The following SARNP variants were observed in gnomAD, a reference collection of about 807,000 sequenced individuals.
SARNP encodes the protein SAP domain-containing ribonucleoprotein.
A neutral mutation model predicts 38.1 loss-of-function variants in SARNP; 5 were observed. The observed-to-expected ratio is 0.13, with a 90% confidence interval of 0.07 to 0.28. The LOEUF (loss-of-function observed/expected upper bound fraction) is 0.28, where lower values mean the gene tolerates loss of function less well. SARNP is among the 10% of genes least tolerant of loss of function. The probability of loss-of-function intolerance (pLI) is 1.00; values close to 1 mark genes in which losing one functional copy is unlikely to be tolerated. For synonymous variants in SARNP, 84 were observed against 80.6 expected (o/e 1.04, Z -0.23); for missense variants, 180 against 243.9 (o/e 0.74, Z 1.75).
chr12:55,777,473 C>A (rs1000833784), intron 9 of SARNP, among the ~76,000 whole-genome samples: 2 of 151,792 alleles, frequency 1.3e-5, no homozygotes, highest in Non-Finnish European at 2.9e-5. Flanking sequence ...CTCCCGGGTT[C>A]AAGCGATTCT....
At chr12:55,791,563 C>T (rs1421994207) in intron 7 of SARNP, among the ~76,000 whole-genome samples, 1 of 152,058 alleles carries the variant, frequency 6.6e-6, no homozygotes, top group Admixed American at 6.6e-5. Flanking sequence ...GGCGTGGTGG[C>T]GTACACCTGT....
chr12:55,763,049 T>C (rs1380737552), intron 9 of SARNP, among the ~76,000 whole-genome samples: 1 of 152,210 alleles, frequency 6.6e-6, no homozygotes, highest in Non-Finnish European at 1.5e-5. Flanking sequence ...AATCACAGTT[T>C]ATTACTAGAA....
At chr12:55,758,764 C>A (rs527546138) in intron 10 of SARNP, among the ~76,000 whole-genome samples, 1 of 152,242 alleles carries the variant, frequency 6.6e-6, no homozygotes, top group South Asian at 2.1e-4. Flanking sequence ...TTCCTGAGGC[C>A]TCCCCAGAAG....
Position 55,797,069 on chromosome 12 carries a change from T to G in SARNP, c.252-993A>C, listed in dbSNP as rs1049498792. Among the ~76,000 whole-genome samples the G allele has an allele frequency of 2.0e-5, 3 of 152,160 alleles. No individual in the cohort carries two copies. The East Asian group carries it at 5.8e-4, about 29-fold the overall frequency. On this transcript the variant is annotated intron_variant, in intron 4 of 10. Coordinates refer to ENST00000336133, the MANE Select transcript of SARNP (RefSeq NM_033082.4). ...CTCCACCAAACAACTCCCATAAAAC[T>G]GTGGGTCATAACCAGTCTCATTAAG...
chr12:55,801,315 C>A (rs1416579435), intron 2 of SARNP, among the ~76,000 whole-genome samples: 1 of 151,932 alleles, frequency 6.6e-6, no homozygotes, highest in South Asian at 2.1e-4. Flanking sequence ...TGGGGGTGTG[C>A]GCCTATAGTC....
intron 9 of SARNP, among the ~76,000 whole-genome samples, chr12:55,772,660 G>C (rs889042547): frequency 2.0e-5 from 3 of 151,392 alleles, no homozygotes; most frequent in African/African-American, 7.3e-5. Context: ...TTGAGGATAA[G>C]TGATGCAGAG....
chr12:55,787,346 T>C (rs182634100), intron 9 of SARNP, among the ~76,000 whole-genome samples: 42 of 152,342 alleles, frequency 2.8e-4, no homozygotes, highest in Non-Finnish European at 2.4e-4. Flanking sequence ...GTTTAGTTTT[T>C]TTCCCAAGCA....
intron 4 of SARNP, among the ~76,000 whole-genome samples, chr12:55,800,017 C>A (rs1254685358): frequency 6.6e-6 from 1 of 151,748 alleles, no homozygotes; most frequent in Non-Finnish European, 1.5e-5. Flanking sequence ...TGGTAAAACC[C>A]TGTCTCTACT....
At chr12:55,816,492 A>ATTTCAGTTTCT (rs1880489748) in intron 1 of SARNP, among the ~76,000 whole-genome samples, 1 of 152,228 alleles carries the variant, frequency 6.6e-6, no homozygotes, top group Non-Finnish European at 1.5e-5. Context: ...AAGAGTAAGA[A>ATTTCAGTTTCT]AAACATCAGT....
At chr12:55,780,152 T>C (rs528428207) in intron 9 of SARNP, among the ~76,000 whole-genome samples, 1 of 151,630 alleles carries the variant, frequency 6.6e-6, no homozygotes, top group Admixed American at 6.6e-5. Context: ...TGTCTCCAAA[T>C]AAGTAAATAA....
chr12:55,783,333 T>C (rs1879395386), intron 9 of SARNP, among the ~76,000 whole-genome samples: 1 of 151,934 alleles, frequency 6.6e-6, no homozygotes, highest in African/African-American at 2.4e-5. Flanking sequence ...GGTTTATTAG[T>C]CCATAGTCAC....
At chr12:55,814,776 C>T (rs1360422431) in intron 1 of SARNP, among the ~76,000 whole-genome samples, 2 of 151,462 alleles carry the variant, frequency 1.3e-5, no homozygotes, top group Non-Finnish European at 2.9e-5. Flanking sequence ...AGCTGAGGCA[C>T]GGGAATTGCT....
intron 9 of SARNP, among the ~76,000 whole-genome samples, chr12:55,764,832 C>CAAAAAAA (rs1162009254): frequency 2.3e-4 from 14 of 62,048 alleles, no homozygotes; most frequent in African/African-American, 6.4e-4. Flanking sequence ...CTCTGTCTCA[C>CAAAAAAA]AAAAAAAAAA....
In SARNP at chr12:55,760,597, C is replaced by T. The variant is rs1878645832; in HGVS notation, c.545G>A (p.Gly182Glu). Residue 182 changes from glycine (G) to glutamate (E), a missense_variant, in exon 10 of 11, where the codon GGG (glycine) becomes GAG (glutamate). By Grantham distance (98) the Gly-to-Glu change is moderately conservative. Coordinates refer to ENST00000336133, the MANE Select transcript of SARNP (RefSeq NM_033082.4). ...AGTTCCAGCTGAACTTGTGACAATC[C>T]CAAATCGCTCCTTCCTCTTTTTCAG... ...EKLKKRKERF[G>E]IVTSSAGTGT... is the part of the protein sequence containing the mutation. 1 of 1,613,372 alleles carries T rather than the reference C, an allele frequency of 6.2e-7. No individual in the cohort carries two copies. Among genetic ancestry groups the T allele is most frequent in the African/African-American group, 1.3e-5 (1 of 74,886 alleles).
chr12:55,763,827 C>T (rs1878747686), intron 9 of SARNP, among the ~76,000 whole-genome samples: 1 of 152,116 alleles, frequency 6.6e-6, no homozygotes. Context: ...AAAATTTAGT[C>T]TTGGAGAGAT....
intron 1 of SARNP, among the ~76,000 whole-genome samples, chr12:55,807,399 G>A (rs1880180433): frequency 6.6e-6 from 1 of 152,044 alleles, no homozygotes; most frequent in Admixed American, 6.6e-5. Context: ...CTTGATCTTG[G>A]TGGCTTATGC....
rs554898589 is a variant in SARNP at position 55,772,482 on chromosome 12, C to G, written c.502-11842G>C. Reference sequence around the variant, plus strand: ...CAAATCAAGCTCTTTCCCCAACCCCCACTCCTCTTCAACCCCAGAGGAGGT... The same window carrying G: ...CAAATCAAGCTCTTTCCCCAACCCCGACTCCTCTTCAACCCCAGAGGAGGT... On this transcript the variant is annotated intron_variant, in intron 9 of 10. Coordinates refer to ENST00000336133, the MANE Select transcript of SARNP (RefSeq NM_033082.4). 4.6e-5 allele frequency among the ~76,000 whole-genome samples: 7 copies of G among 152,214 alleles called. No homozygotes were observed. In the South Asian group the frequency reaches 8.3e-4, roughly 18 times the overall value.
rs549717083 is a variant in SARNP, at chr12:55,805,998, T to C, written c.37-2270A>G. 9.2e-5 allele frequency among the ~76,000 whole-genome samples: 14 copies of C among 151,682 alleles called. No homozygotes were observed. The South Asian group carries it at 1.7e-3, about 18-fold the overall frequency. Reference sequence around the variant, plus strand: ...GTTGCAGTGAGCCGAGATCACATCATTGCGCTCCAGCCTGGATGCCAAGAA... The same window carrying C: ...GTTGCAGTGAGCCGAGATCACATCACTGCGCTCCAGCCTGGATGCCAAGAA... On this transcript the variant is annotated intron_variant, in intron 1 of 10. Coordinates refer to ENST00000336133, the MANE Select transcript of SARNP (RefSeq NM_033082.4).
At chr12:55,780,219 AAGGTGG>A (rs1879300678) in intron 9 of SARNP, among the ~76,000 whole-genome samples, 1 of 152,108 alleles carries the variant, frequency 6.6e-6, no homozygotes, top group Admixed American at 6.6e-5. Flanking sequence ...TTGGGAGGCC[AAGGTGG>A]ATAGATCACA....
Sources: allele counts gnomAD v4.1 joint callset (sites outside exome capture counted in the v4.1 genomes callset), GRCh38; gene constraint gnomAD v4.1.1; transcripts MANE v1.5; gene names NCBI Gene and HGNC (gene_info 2026-07-23, HGNC 2026-07-21).